The following C17orf99 variants were observed in gnomAD, a reference collection of about 807,000 sequenced individuals.
The protein encoded by C17orf99 is protein IL-40.
A neutral mutation model predicts 22.6 loss-of-function variants in C17orf99; 18 were observed. The observed-to-expected ratio is 0.80, with a 90% CI of 0.55 to 1.18. The LOEUF is 1.18. Ranked by LOEUF, C17orf99 falls within the 50% of genes most tolerant of loss-of-function variation. The pLI, the probability that C17orf99 is intolerant of heterozygous loss-of-function variation, is 0.00. For missense variants in C17orf99, 328 were observed against 342.7 expected (o/e 0.96, Z 0.34); for synonymous variants, 147 against 136.6 (o/e 1.08, Z -0.53).
chr17:78,163,390 A>AT (rs2075592577), intron 3 of C17orf99, among the ~76,000 whole-genome samples: 1 of 152,242 alleles, frequency 6.6e-6, no homozygotes, highest in Non-Finnish European at 1.5e-5. Flanking sequence ...AATCTTCTAC[A>AT]TGACAGTTTT....
In C17orf99 at chr17:78,157,915, C is replaced by T. The variant is rs766586141; in HGVS notation, c.71-3040C>T. 5.1e-6 allele frequency: 6 copies of T among 1,169,096 alleles called. No homozygotes were observed. The East Asian group carries it at 1.0e-4, about 20-fold the overall frequency. The allele number at this position is 1,169,096 out of a possible 1,614,324, so 72.4% of individuals were successfully genotyped here. On this transcript the variant is annotated intron_variant, in intron 2 of 4. Transcript: ENST00000340363. ...GCAAGCACGGCCATGCCAAGGTCCA[C>T]CTGGTTGGTACTGACATCTTTACTG...
intron 2 of C17orf99, chr17:78,160,144 G>A (rs761886707): frequency 2.2e-6 from 1 of 455,332 alleles, no homozygotes; most frequent in South Asian, 1.6e-5. Flanking sequence ...CACTAAATCA[G>A]TATTTTCTTT....
At chr17:78,154,591 C>A (rs974288885) in intron 2 of C17orf99, among the ~76,000 whole-genome samples, 1 of 138,710 alleles carries the variant, frequency 7.2e-6, no homozygotes, top group Non-Finnish European at 1.5e-5. Context: ...ACCTGTAATC[C>A]CAGCACTTTG....
intron 2 of C17orf99, chr17:78,158,066 G>GTCCTCTCGCACCTCCA: frequency 8.2e-7 from 1 of 1,226,086 alleles, no homozygotes; most frequent in Non-Finnish European, 1.2e-6. Flanking sequence ...CAGCATGGAG[G>GTCCTCTCGCACCTCCA]TGCGAGAGGA....
intron 2 of C17orf99, chr17:78,157,279 C>A: frequency 3.0e-6 from 1 of 332,012 alleles, no homozygotes; most frequent in Non-Finnish European, 5.6e-6. Flanking sequence ...GCCTGGCCAA[C>A]ACGGTGAAAA....
At chr17:78,157,035 A>C (rs2075530891) in intron 2 of C17orf99, among the ~76,000 whole-genome samples, 2 of 148,690 alleles carry the variant, frequency 1.3e-5, no homozygotes, top group Non-Finnish European at 3.0e-5. Context: ...TCAACCATTT[A>C]AAAGTGATAA....
In C17orf99 at chr17:78,146,685, G is replaced by A. The variant is rs145314766; in HGVS notation, c.38-194G>A. Among the ~76,000 whole-genome samples, 9 of 151,958 alleles carry A rather than the reference G, an allele frequency of 5.9e-5. No individual in the cohort carries two copies. The highest frequency in any genetic ancestry group is 1.9e-4 in the East Asian group (1 of 5,198). On this transcript the variant is annotated intron_variant, in intron 1 of 4. Transcript: ENST00000340363. This position sits in a 1 kb window ranked among gnomAD's most constrained non-coding sequence, Gnocchi z 5.2. Reference sequence around the variant, plus strand: ...CTACTTACCCATCTGCGAAATGGGCGGATGAGAGGCGATGTTGTGGGGGGA... The same window carrying A: ...CTACTTACCCATCTGCGAAATGGGCAGATGAGAGGCGATGTTGTGGGGGGA...
intron 2 of C17orf99, among the ~76,000 whole-genome samples, chr17:78,155,763 A>T (rs1268299603): frequency 6.6e-6 from 1 of 151,810 alleles, no homozygotes; most frequent in Non-Finnish European, 1.5e-5. Flanking sequence ...AGTAGCTGGG[A>T]TTACAGGCAT....
chr17:78,146,365 G>A, upstream of C17orf99: 2 of 1,543,648 alleles, frequency 1.3e-6, no homozygotes, highest in Non-Finnish European at 1.8e-6. The surrounding 1 kb of genome is among the most constrained non-coding windows in gnomAD (Gnocchi z 5.2). Context: ...CAGGAACTAG[G>A]AGGTTCTCAC....
At chr17:78,162,888 C>A (rs1379089854) in intron 3 of C17orf99, among the ~76,000 whole-genome samples, 1 of 152,198 alleles carries the variant, frequency 6.6e-6, no homozygotes, top group Non-Finnish European at 1.5e-5. Context: ...CAGATTCAAG[C>A]GATTCTCCTG....
intron 2 of C17orf99, among the ~76,000 whole-genome samples, chr17:78,153,423 T>A (rs935732401): frequency 6.6e-6 from 1 of 151,946 alleles, no homozygotes; most frequent in Non-Finnish European, 1.5e-5. Context: ...AGGCGGAGGT[T>A]GCAGTGAACC....
rs557329347 is a variant in C17orf99, at chr17:78,164,859, G to A, written c.640+495G>A. 59 of 1,189,316 alleles carry A rather than the reference G, an allele frequency of 5.0e-5. No homozygotes were observed. In the African/African-American group the frequency reaches 9.3e-4, roughly 19 times the overall value. The allele number at this position is 1,189,316 out of a possible 1,614,324, so 73.7% of individuals were successfully genotyped here. Reference sequence around the variant, plus strand: ...CTACTGTGTGCCATGTGCCTACTGAGGCTTACACATTCAAGGCGTTATCGG... The same window carrying A: ...CTACTGTGTGCCATGTGCCTACTGAAGCTTACACATTCAAGGCGTTATCGG... On this transcript the variant is annotated intron_variant, in intron 4 of 4. Transcript: ENST00000340363.
At chr17:78,151,923 G>T (rs889726333) in intron 2 of C17orf99, among the ~76,000 whole-genome samples, 3 of 152,150 alleles carry the variant, frequency 2.0e-5, no homozygotes, top group Admixed American at 6.6e-5. Flanking sequence ...TAAGCTTCCT[G>T]TTGTCACAGA....
chr17:78,153,825 A>C (rs574328916), intron 2 of C17orf99, among the ~76,000 whole-genome samples: 26 of 150,566 alleles, frequency 1.7e-4, no homozygotes, highest in African/African-American at 4.9e-4. Flanking sequence ...GATGCCCCAG[A>C]GGGTGCCTTC....
chr17:78,162,071 T>A (rs2075582189), intron 3 of C17orf99, among the ~76,000 whole-genome samples: 3 of 149,324 alleles, frequency 2.0e-5, no homozygotes, highest in Admixed American at 2.0e-4. Flanking sequence ...AGCTCAGGAG[T>A]TTGAGACCAG....
intron 2 of C17orf99, among the ~76,000 whole-genome samples, chr17:78,150,935 CAACATGGTGA>C (rs1329604816): frequency 6.6e-6 from 1 of 151,884 alleles, no homozygotes; most frequent in Non-Finnish European, 1.5e-5. Flanking sequence ...CCAGCCTGGC[CAACATGGTGA>C]AACCCCATTT....
chr17:78,159,680 C>T (rs1398958372), intron 2 of C17orf99, among the ~76,000 whole-genome samples: 1 of 151,914 alleles, frequency 6.6e-6, no homozygotes, highest in East Asian at 1.9e-4. Context: ...GAGAGATTTT[C>T]ATCACCCCAA....
At chr17:78,164,846 A>G in intron 4 of C17orf99, 1 of 1,198,076 alleles carries the variant, frequency 8.3e-7, no homozygotes, top group African/African-American at 1.6e-5. Flanking sequence ...ACTGTGTGCC[A>G]TGTGCCTACT....
chr17:78,165,108 G>A lies in C17orf99; in HGVS notation c.640+744G>A, dbSNP rs867342155. ...CAGCCTCCCAGGGTCCCCTCTCCAA[G>A]GCCATGGCTTTACTAACATGTAAAG... is the stretch of plus-strand genomic sequence containing the variant. On this transcript the variant is annotated intron_variant, in intron 4 of 4. Transcript: ENST00000340363. The A allele has an allele frequency of 2.0e-5, 21 of 1,045,514 alleles. 1 individual carries two copies. In the South Asian group the frequency reaches 6.3e-4, roughly 31 times the overall value. The allele number at this position is 1,045,514 out of a possible 1,614,324, so 64.8% of individuals were successfully genotyped here. A position where few individuals can be genotyped will look rare whatever the true frequency, so the allele number is the denominator to read the frequency against.
Sources: gnomAD v4.1 joint callset for allele counts (sites outside exome capture counted in the v4.1 genomes callset) on GRCh38, gnomAD v4.1.1 for gene constraint, Gnocchi (gnomAD v3.1) non-coding constraint, MANE v1.5 for transcripts, NCBI Gene and HGNC (gene_info 2026-07-23, HGNC 2026-07-21) for gene names.